Variants in PLEKHA5 observed in about 807,000 individuals in gnomAD.
PLEKHA5 encodes the protein pleckstrin homology domain-containing family A member 5.
Under a neutral mutation model 181.9 loss-of-function variants are expected in PLEKHA5, and 55 were observed. That is an observed-to-expected ratio of 0.30 (90% CI 0.24 to 0.38). The LOEUF (loss-of-function observed/expected upper bound fraction) is 0.38. PLEKHA5 is among the 10% of genes least tolerant of loss of function. The pLI is 1.00. For synonymous variants in PLEKHA5, 535 were observed against 529.4 expected (o/e 1.01, Z -0.15); for missense variants, 1,432 against 1,549.5 (o/e 0.92, Z 1.27).
In PLEKHA5 at chr12:19,283,376, C is replaced by T. The variant is rs2076589060; in HGVS notation, c.1410C>T (p.Asn470=). 1.2e-6 allele frequency: 2 copies of T among 1,613,924 alleles called. No homozygotes were observed. Among genetic ancestry groups the T allele is most frequent in the East Asian group, 4.5e-5 (2 of 44,870 alleles). The change falls in exon 12 of 32, where the codon AAC becomes AAT. Residue 470 remains asparagine (N), a synonymous_variant. Transcript: ENST00000429027. ...YPEGYRTLPR[N]SKTRPESICS... ...AAGGTTATAGAACACTCCCAAGAAA[C>T]AGCAAGACAAGGCCTGAAAGTATCT...
intron 3 of PLEKHA5, among the ~76,000 whole-genome samples, chr12:19,198,679 G>T (rs2053513448): frequency 6.6e-6 from 1 of 152,094 alleles, no homozygotes; most frequent in South Asian, 2.1e-4. Flanking sequence ...AACAAAGGGA[G>T]CAGATTTTTT....
intron 14 of PLEKHA5, 70 bp downstream of exon 14, chr12:19,290,866 A>G: frequency 7.3e-7 from 1 of 1,375,562 alleles, no homozygotes; most frequent in Non-Finnish European, 9.8e-7. Context: ...ATCAGTCAAT[A>G]TGATCAGCAT....
At chr12:19,166,925 A>G (rs2044529000) in intron 3 of PLEKHA5, among the ~76,000 whole-genome samples, 1 of 152,230 alleles carries the variant, frequency 6.6e-6, no homozygotes, top group South Asian at 2.1e-4. Flanking sequence ...TTTTAAAACT[A>G]CAAAGTATTA....
At chr12:19,176,771 AATAT>A (rs1352771142) in intron 3 of PLEKHA5, among the ~76,000 whole-genome samples, 1 of 152,108 alleles carries the variant, frequency 6.6e-6, no homozygotes, top group African/African-American at 2.4e-5. Flanking sequence ...ATTGACAAAT[AATAT>A]ATATATCATA....
Position 19,283,474 on chromosome 12 carries a change from A to C in PLEKHA5, c.1508A>C (p.Asp503Ala). Residue 503 changes from aspartate (D) to alanine (A), a missense_variant, in exon 12 of 32, where the codon GAT becomes GCT. Around this residue, in one of 2 missense-constraint regions of PLEKHA5, gnomAD observed 1,143 missense variants for 1,168.4 expected, o/e 0.98. Coordinates refer to ENST00000429027, the MANE Select transcript of PLEKHA5 (RefSeq NM_001256470.2). ...GAGGAGAAACGGAGGTCCATGAGAG[A>C]TGACACAATGTGGCAGCTCTACGAA... ...GAEEKRRSMR[D>A]DTMWQLYEWQ... is the part of the protein sequence containing the mutation. 6.2e-7 allele frequency: 1 copy of C among 1,614,126 alleles called. No individual in the cohort carries two copies. The highest frequency in any genetic ancestry group is 8.5e-7 in the Non-Finnish European group (1 of 1,179,998).
chr12:19,357,806 ATTTTTGTATTTTTGGTAGAGACGGG>A (rs1299364284), intron 26 of PLEKHA5, among the ~76,000 whole-genome samples: 1 of 151,402 alleles, frequency 6.6e-6, no homozygotes, highest in East Asian at 2.0e-4. Flanking sequence ...TGCCTGGCTA[ATTTTTGTATTTTTGGTAGAGACGGG>A]TTTTTACCAT....
At chr12:19,164,033 CT>C (rs1178389977) in intron 3 of PLEKHA5, among the ~76,000 whole-genome samples, 2 of 152,086 alleles carry the variant, frequency 1.3e-5, no homozygotes, top group Admixed American at 1.3e-4. Context: ...TTTCCACCCC[CT>C]GACCAAGGCT....
At chr12:19,294,429 A>T (rs944898723) in intron 15 of PLEKHA5, among the ~76,000 whole-genome samples, 1 of 152,134 alleles carries the variant, frequency 6.6e-6, no homozygotes, top group African/African-American at 2.4e-5. Flanking sequence ...GTAACCACAA[A>T]TTTGAGAGTA....
At chr12:19,166,621 T>TCCAG (rs1194908778) in intron 3 of PLEKHA5, among the ~76,000 whole-genome samples, 3 of 152,186 alleles carry the variant, frequency 2.0e-5, no homozygotes, top group Non-Finnish European at 4.4e-5. Context: ...AGCTCTAAGT[T>TCCAG]CCAGATCATG....
chr12:19,202,283 G>C (rs1234276306), intron 3 of PLEKHA5, among the ~76,000 whole-genome samples: 1 of 152,000 alleles, frequency 6.6e-6, no homozygotes, highest in Non-Finnish European at 1.5e-5. Flanking sequence ...TTACCAGGTA[G>C]AATATTAATA....
At chr12:19,263,030 T>C (rs1161536888) in intron 7 of PLEKHA5, among the ~76,000 whole-genome samples, 1 of 152,210 alleles carries the variant, frequency 6.6e-6, no homozygotes, top group African/African-American at 2.4e-5. Flanking sequence ...AAGAGAAATA[T>C]CATTTAACTC....
chr12:19,322,571 A>G lies in PLEKHA5; in HGVS notation c.2352A>G (p.Ala784=). ...LSASQEIEMH[A]DNPAAIQTVV... is the part of the protein sequence containing the mutation. ...CCAGCCAAGAGATAGAAATGCATGC[A>G]GATAACCCAGCAGCCATTCAGACAG... Residue 784 remains alanine (A), a synonymous_variant, in exon 20 of 32, where the codon GCA becomes GCG. Coordinates refer to ENST00000429027, the MANE Select transcript of PLEKHA5 (RefSeq NM_001256470.2). 6.2e-7 allele frequency: 1 copy of G among 1,613,810 alleles called. No individual in the cohort carries two copies. Among genetic ancestry groups the G allele is most frequent in the Non-Finnish European group, 8.5e-7 (1 of 1,179,652 alleles).
At position 19,129,737 on chromosome 12, in the gene PLEKHA5, C is replaced by T; in HGVS notation, c.-63C>T. The T allele has an allele frequency of 1.5e-6, 2 of 1,335,068 alleles. No homozygotes were observed. Among genetic ancestry groups the T allele is most frequent in the Non-Finnish European group, 2.1e-6 (2 of 949,730 alleles). 82.7% of individuals were successfully genotyped at this position (1,335,068 alleles called of 1,614,324 possible). A position where few individuals can be genotyped will look rare whatever the true frequency, so the allele number is the denominator to read the frequency against. On this transcript the variant is annotated 5_prime_UTR_variant, in exon 1 of 32. Transcript: ENST00000429027. ...CCGCGCTCCCTTCGCTCGCTCGTTC[C>T]CTCCTCCCTCGGCAGCCGCGGCGGC...
chr12:19,169,769 C>A (rs2045458322), intron 3 of PLEKHA5, among the ~76,000 whole-genome samples: 1 of 152,136 alleles, frequency 6.6e-6, no homozygotes, highest in Admixed American at 6.5e-5. Flanking sequence ...AAAACCAGGT[C>A]AAGATTTAAT....
chr12:19,335,365 T>C (rs2093335930), intron 20 of PLEKHA5, among the ~76,000 whole-genome samples: 1 of 151,776 alleles, frequency 6.6e-6, no homozygotes, highest in Admixed American at 6.6e-5. Flanking sequence ...TATTTTAAGT[T>C]AGTTACAGAA....
intron 20 of PLEKHA5, among the ~76,000 whole-genome samples, chr12:19,326,659 A>G (rs1194897909): frequency 3.3e-5 from 5 of 152,144 alleles, no homozygotes; most frequent in African/African-American, 1.2e-4. Context: ...GGTTTGGAGT[A>G]TGAATGAGCC....
At chr12:19,367,437 T>G (rs2095460236) in intron 30 of PLEKHA5, among the ~76,000 whole-genome samples, 1 of 149,026 alleles carries the variant, frequency 6.7e-6, no homozygotes, top group Admixed American at 6.7e-5. Context: ...TGTATTTTTG[T>G]AGAGGCAGGG....
At chr12:19,156,131 C>A (rs1352698924) in intron 3 of PLEKHA5, among the ~76,000 whole-genome samples, 1 of 151,936 alleles carries the variant, frequency 6.6e-6, no homozygotes, top group Non-Finnish European at 1.5e-5. Context: ...ATTGCAGGGA[C>A]CGCCCTGGAG....
intron 3 of PLEKHA5, chr12:19,153,001 T>G (rs892976389): frequency 5.2e-4 from 15 of 28,850 alleles, no homozygotes; most frequent in African/African-American, 7.1e-4. Context: ...AGGTTTTTTG[T>G]TTTTTTTTTT....
Sources: allele counts gnomAD v4.1 joint callset (sites outside exome capture counted in the v4.1 genomes callset), GRCh38; gene constraint gnomAD v4.1.1; regional missense constraint gnomAD v4.1.1; transcripts MANE v1.5; gene names NCBI Gene and HGNC (gene_info 2026-07-23, HGNC 2026-07-21).